Variants in UBQLN1 observed in about 807,000 individuals in gnomAD.
UBQLN1 encodes the protein ubiquilin-1.
UBQLN1 carries 13 observed loss-of-function variants against 65.4 expected under a neutral mutation model. That is an observed-to-expected ratio of 0.20 (90% CI 0.13 to 0.32). UBQLN1 has a LOEUF of 0.32. Among genes scored for constraint, UBQLN1 ranks in the 10% least tolerant of loss-of-function variants. The probability of loss-of-function intolerance (pLI) is 1.00; values close to 1 mark genes in which losing one functional copy is unlikely to be tolerated. For synonymous variants in UBQLN1, 267 were observed against 247.8 expected (o/e 1.08, Z -0.73); for missense variants, 561 against 724.0 (o/e 0.77, Z 2.58).
intron 1 of UBQLN1, among the ~76,000 whole-genome samples, chr9:83,702,561 G>C (rs1360187349): frequency 6.6e-6 from 1 of 151,852 alleles, no homozygotes; most frequent in Non-Finnish European, 1.5e-5. Context: ...TTTAATAAAA[G>C]GTCAAATTAA....
intron 8 of UBQLN1, among the ~76,000 whole-genome samples, chr9:83,665,678 C>T (rs1831633014): frequency 6.6e-6 from 1 of 152,150 alleles, no homozygotes; most frequent in Non-Finnish European, 1.5e-5. Flanking sequence ...TACATCATTA[C>T]AATAGATCAA....
At chr9:83,676,029 AT>A (rs1831826483) in intron 6 of UBQLN1, among the ~76,000 whole-genome samples, 1 of 152,162 alleles carries the variant, frequency 6.6e-6, no homozygotes, top group Admixed American at 6.5e-5. Flanking sequence ...TACCTGAAGT[AT>A]TATCTGACCC....
chr9:83,665,054 G>T lies in UBQLN1; in HGVS notation c.1424C>A (p.Thr475Lys). The T allele has an allele frequency of 6.2e-7, 1 of 1,612,876 alleles. No homozygotes were observed. Among genetic ancestry groups the T allele is most frequent in the Non-Finnish European group, 8.5e-7 (1 of 1,179,620 alleles). Residue 475 changes from threonine (T) to lysine (K), a missense_variant, in exon 9 of 11, where the codon ACG becomes AAG. Physicochemically the swap from Thr to Lys is moderately conservative, Grantham distance 78. This residue lies in a region of UBQLN1 where 102 missense variants were observed against 150.7 expected (regional missense o/e 0.68). Transcript: ENST00000376395. ...CCCTGGGATGAGGCCCGGGGCTTCCGTTGCTAATGTCTGTAAACCCTGCTG... is the reference window on the plus strand; with the variant it reads ...CCCTGGGATGAGGCCCGGGGCTTCCTTTGCTAATGTCTGTAAACCCTGCTG... ...QIQQGLQTLA[T>K]EAPGLIPGFT...
rs1832443384 is a variant in UBQLN1 at position 83,707,778 on chromosome 9, G to C, written c.-99C>G. 7.0e-7 allele frequency: 1 copy of C among 1,429,006 alleles called. No homozygotes were observed. The highest frequency in any genetic ancestry group is 1.5e-5 in the African/African-American group (1 of 66,560). The allele number at this position is 1,429,006 out of a possible 1,614,324, so 88.5% of individuals were successfully genotyped here. A position where few individuals can be genotyped will look rare whatever the true frequency, so the allele number is the denominator to read the frequency against. On this transcript the variant is annotated 5_prime_UTR_variant, in exon 1 of 11. Transcript: ENST00000376395. ...ACCAGAGCCGGCAGGCCTGGACAGC[G>C]AAGAATGCAGAGCACGCCGCCTCAG...
chr9:83,685,918 A>T (rs1243570176), intron 2 of UBQLN1, 86 bp downstream of exon 2: 2 of 1,193,248 alleles, frequency 1.7e-6, no homozygotes, highest in East Asian at 5.2e-5. Flanking sequence ...ATGACAGGGA[A>T]AGTAATTTAC....
chr9:83,703,031 C>A (rs114701197), intron 1 of UBQLN1, among the ~76,000 whole-genome samples: 1 of 152,096 alleles, frequency 6.6e-6, no homozygotes, highest in Non-Finnish European at 1.5e-5. Flanking sequence ...AGAAGTTACA[C>A]AGAAACTCCC....
chr9:83,667,664 CTTCAT>C (rs1385894061), intron 7 of UBQLN1: 38 of 985,192 alleles, frequency 3.9e-5, no homozygotes, highest in Admixed American at 1.8e-4. Context: ...TTGGAATTCA[CTTCAT>C]TTCATCTTAA....
Position 83,664,067 on chromosome 9 carries a change from T to A in UBQLN1, c.1449-24A>T, listed in dbSNP as rs368033867. On this transcript the variant is annotated intron_variant, in intron 9 of 10. Coordinates refer to ENST00000376395, the MANE Select transcript of UBQLN1 (RefSeq NM_013438.5). Reference sequence around the variant, plus strand: ...ACCTACAGAAAGCACAAATAGGAAATATCCTAAGGTCCTGCAAAACCAGAA... The same window carrying A: ...ACCTACAGAAAGCACAAATAGGAAAAATCCTAAGGTCCTGCAAAACCAGAA... 7.2e-4 allele frequency: 1,142 copies of A among 1,594,964 alleles called. 2 individuals are homozygous for A. Among genetic ancestry groups the A allele is most frequent in the Non-Finnish European group, 9.0e-4 (1,052 of 1,172,398 alleles).
chr9:83,691,547 T>C (rs778080494), intron 1 of UBQLN1, among the ~76,000 whole-genome samples: 1 of 152,164 alleles, frequency 6.6e-6, no homozygotes, highest in Admixed American at 6.5e-5. Context: ...CTCTACAATG[T>C]CCTAGATGCA....
rs756702954 is a variant in UBQLN1 at position 83,707,656 on chromosome 9, G to C, written c.24C>G (p.Gly8=). The C allele has an allele frequency of 1.3e-6, 2 of 1,558,724 alleles. No individual in the cohort carries two copies. The highest frequency in any genetic ancestry group is 4.8e-5 in the East Asian group (2 of 41,854). The change falls in exon 1 of 11, where the codon GGC becomes GGG. Residue 8 remains glycine, a synonymous_variant. Coordinates refer to ENST00000376395, the MANE Select transcript of UBQLN1 (RefSeq NM_013438.5). ...CGCTATCCTGGGAGCCCGGAGGACC[G>C]CCGCTTTCACCACTCTCGGCCATGG... MAESGES[G]GPPGSQDSAA... is the part of the protein sequence containing the mutation.
rs1831553821 is a variant in UBQLN1, at chr9:83,660,998, A to G, written c.*789T>C. 1 of 152,232 alleles carries G rather than the reference A, an allele frequency of 6.6e-6. No homozygotes were observed. Among genetic ancestry groups the G allele is most frequent in the Admixed American group, 6.5e-5 (1 of 15,278 alleles). 9.4% of individuals were successfully genotyped at this position (152,232 alleles called of 1,614,324 possible). A position where few individuals can be genotyped will look rare whatever the true frequency, so the allele number is the denominator to read the frequency against. ...TACAGTGTTCCTTCAGTCTGCACAA[A>G]GATTAAGGTAATTTACAGTCAATCT... On this transcript the variant is annotated 3_prime_UTR_variant, in exon 11 of 11. Transcript: ENST00000376395.
chr9:83,693,603 G>A (rs532247989), intron 1 of UBQLN1, among the ~76,000 whole-genome samples: 2 of 152,100 alleles, frequency 1.3e-5, no homozygotes, highest in East Asian at 1.9e-4. Context: ...ATAAGAGTAC[G>A]CAGAGAATGT....
intron 1 of UBQLN1, among the ~76,000 whole-genome samples, chr9:83,693,336 A>T (rs570228174): frequency 7.2e-4 from 110 of 152,332 alleles, no homozygotes; most frequent in African/African-American, 2.5e-3. Flanking sequence ...ATTGTTTTCC[A>T]TTCTACTGAA....
intron 1 of UBQLN1, among the ~76,000 whole-genome samples, chr9:83,694,212 C>A (rs1832172655): frequency 6.6e-6 from 1 of 152,202 alleles, no homozygotes; most frequent in Non-Finnish European, 1.5e-5. Context: ...AAAACACACA[C>A]AATTTCATTT....
In UBQLN1 at chr9:83,677,709, G is replaced by T; in HGVS notation, c.1105+18C>A. On this transcript the variant is annotated intron_variant, in intron 6 of 10. Coordinates refer to ENST00000376395, the MANE Select transcript of UBQLN1 (RefSeq NM_013438.5). ...ATGAGGACAACAAAGAAAAAAGCCTGAGTTGTTAAAAGCATACCTCCTACT... is the reference window on the plus strand; with the variant it reads ...ATGAGGACAACAAAGAAAAAAGCCTTAGTTGTTAAAAGCATACCTCCTACT... 1 of 1,576,420 alleles carries T rather than the reference G, an allele frequency of 6.3e-7. No individual in the cohort carries two copies. Among genetic ancestry groups the T allele is most frequent in the South Asian group, 1.1e-5 (1 of 88,024 alleles).
intron 2 of UBQLN1, among the ~76,000 whole-genome samples, chr9:83,685,008 C>T (rs1832016397): frequency 6.6e-6 from 1 of 152,108 alleles, no homozygotes; most frequent in Non-Finnish European, 1.5e-5. Flanking sequence ...CACATGTAGT[C>T]TACATGACTT....
chr9:83,679,698 A>C, intron 4 of UBQLN1, 77 bp downstream of exon 4: 1 of 1,487,170 alleles, frequency 6.7e-7, no homozygotes, highest in Non-Finnish European at 9.2e-7. Context: ...ATACAGGACA[A>C]TCTCATTAAC....
intron 6 of UBQLN1, among the ~76,000 whole-genome samples, chr9:83,669,773 G>GT (rs1228210489): frequency 1.3e-5 from 2 of 152,184 alleles, no homozygotes; most frequent in Non-Finnish European, 2.9e-5. Context: ...AACAAAAGAT[G>GT]TAATGCCTCC....
intron 1 of UBQLN1, among the ~76,000 whole-genome samples, chr9:83,696,467 TA>T (rs112424928): frequency 1.3e-5 from 2 of 151,002 alleles, no homozygotes; most frequent in African/African-American, 4.9e-5. Flanking sequence ...AAAAAAATTT[TA>T]AAAAAAAACC....
Sources: gnomAD v4.1 joint callset for allele counts (sites outside exome capture counted in the v4.1 genomes callset) on GRCh38, gnomAD v4.1.1 for gene constraint, gnomAD v4.1.1 regional missense constraint, MANE v1.5 for transcripts, NCBI Gene and HGNC (gene_info 2026-07-23, HGNC 2026-07-21) for gene names.